Variants in CBFA2T3 observed in about 807,000 individuals in gnomAD.
CBFA2T3 encodes transcriptional corepressor CBFA2T3.
In CBFA2T3, 31 loss-of-function variants were observed where a neutral mutation model predicts 58.6. That is an observed-to-expected ratio of 0.53 (90% confidence interval 0.40 to 0.71). The LOEUF (loss-of-function observed/expected upper bound fraction) is 0.71, where lower values mean the gene tolerates loss of function less well. Among genes scored for constraint, CBFA2T3 ranks in the 30% least tolerant of loss-of-function variants. CBFA2T3 has a pLI of 0.00. For missense variants in CBFA2T3, 1,076 were observed against 963.1 expected (o/e 1.12, Z -1.55); for synonymous variants, 531 against 421.9 (o/e 1.26, Z -3.17).
chr16:88,884,826 G>GC (rs1421819334), intron 7 of CBFA2T3: 2 of 464,286 alleles, frequency 4.3e-6, no homozygotes, highest in South Asian at 3.6e-5. Context: ...GCCCGAGGCC[G>GC]CCCACCCCGG....
At chr16:88,970,153 T>C (rs2142883536) in intron 1 of CBFA2T3, among the ~76,000 whole-genome samples, 1 of 151,988 alleles carries the variant, frequency 6.6e-6, no homozygotes, top group Admixed American at 6.5e-5. Context: ...GCTCTGCAGC[T>C]GTCCTGGGCC....
rs1260567550 is a variant in CBFA2T3, at chr16:88,953,209, A to G, written c.151+23448T>C. Among the ~76,000 whole-genome samples, 2 of 152,122 alleles carry G rather than the reference A, an allele frequency of 1.3e-5. No homozygotes were observed. Among genetic ancestry groups the G allele is most frequent in the African/African-American group, 4.8e-5 (2 of 41,422 alleles). ...CCTCTCTCCCTCGGCTGGGTTTGTC[A>G]TGCTCAGCCAGACCCGCTCCCGGTG... On this transcript the variant is annotated intron_variant, in intron 1 of 11. Coordinates refer to ENST00000268679, the MANE Select transcript of CBFA2T3 (RefSeq NM_005187.6). The surrounding 1 kb of genome is among the most constrained non-coding windows in gnomAD (Gnocchi z 4.9).
At chr16:88,919,808 C>T (rs1015332642) in intron 1 of CBFA2T3, among the ~76,000 whole-genome samples, 1 of 152,200 alleles carries the variant, frequency 6.6e-6, no homozygotes, top group Non-Finnish European at 1.5e-5. Context: ...GACACTGTTT[C>T]AATGCAGGTC....
intron 1 of CBFA2T3, among the ~76,000 whole-genome samples, chr16:88,952,902 ACG>A (rs1972114969): frequency 5.8e-5 from 2 of 34,732 alleles, no homozygotes; most frequent in African/African-American, 1.3e-4. Context: ...CAGGACCCCC[ACG>A]CAGGGCCTGT....
chr16:88,881,687 G>T, intron 8 of CBFA2T3, 198 bp from the exon 9 acceptor site: 5 of 565,992 alleles, frequency 8.8e-6, no homozygotes, highest in Non-Finnish European at 1.6e-5. Flanking sequence ...CGAGCGCCTG[G>T]GGGTACCAGA....
In CBFA2T3 at chr16:88,904,790, G is replaced by A. The variant is rs545976933; in HGVS notation, c.152-3134C>T. Reference sequence around the variant, plus strand: ...GGTGTCTGTTGAATCCTGTGTGAGTGCTCCTGGCTGTGTGGCCTAGGGAGA... The same window carrying A: ...GGTGTCTGTTGAATCCTGTGTGAGTACTCCTGGCTGTGTGGCCTAGGGAGA... On this transcript the variant is annotated intron_variant, in intron 1 of 11. Transcript: ENST00000268679. 3.6e-4 allele frequency among the ~76,000 whole-genome samples: 55 copies of A among 152,342 alleles called. 1 individual carries two copies. The highest frequency in any genetic ancestry group is 1.3e-3 in the African/African-American group (54 of 41,596).
chr16:88,916,147 T>G (rs1970713999), intron 1 of CBFA2T3, among the ~76,000 whole-genome samples: 1 of 133,934 alleles, frequency 7.5e-6, no homozygotes, highest in Non-Finnish European at 1.5e-5. Context: ...CATGTGGGTG[T>G]GTGTGCATGT....
intron 1 of CBFA2T3, among the ~76,000 whole-genome samples, chr16:88,916,346 G>T (rs1460339875): frequency 1.3e-5 from 2 of 149,304 alleles, no homozygotes; most frequent in African/African-American, 4.9e-5. Context: ...GTGTGCATGG[G>T]TGTGTGTCCG....
rs1457428371 is a variant in CBFA2T3, at chr16:88,892,397, G to A, written c.468C>T (p.Ser156=). The change falls in exon 4 of 12, where the codon TCC becomes TCT. Residue 156 remains serine (S), a synonymous_variant. Transcript: ENST00000268679. ...NGFSNGPATS[S]TASLSTQHLP... ...GGTGCTGTGTGGACAAGGAGGCTGT[G>A]GACGAGGTGGCCGGGCCATTGCTGA... 2 of 1,613,512 alleles carry A rather than the reference G, an allele frequency of 1.2e-6. No individual in the cohort carries two copies.
At chr16:88,881,690 G>A in intron 8 of CBFA2T3, 1 of 560,566 alleles carries the variant, frequency 1.8e-6, no homozygotes, top group Non-Finnish European at 3.1e-6. Context: ...GCGCCTGGGG[G>A]TACCAGACTC....
At chr16:88,954,085 G>A (rs1238700140) in intron 1 of CBFA2T3, among the ~76,000 whole-genome samples, 2 of 152,056 alleles carry the variant, frequency 1.3e-5, no homozygotes, top group African/African-American at 2.4e-5. Flanking sequence ...TCAGAGAACT[G>A]CCCAGGAGCT....
chr16:88,904,267 G>A (rs1241341753), intron 1 of CBFA2T3, among the ~76,000 whole-genome samples: 1 of 152,148 alleles, frequency 6.6e-6, no homozygotes, highest in African/African-American at 2.4e-5. Flanking sequence ...GAGGCTCACT[G>A]CAGGAAGATC....
At chr16:88,910,185 C>T (rs1003063729) in intron 1 of CBFA2T3, among the ~76,000 whole-genome samples, 19 of 152,236 alleles carry the variant, frequency 1.2e-4, no homozygotes, top group Non-Finnish European at 2.6e-4. Flanking sequence ...GGTGTTTCTG[C>T]AGGGAATGCA....
chr16:88,879,863 T>G, intron 10 of CBFA2T3: 1 of 190,510 alleles, frequency 5.2e-6, no homozygotes, highest in Non-Finnish European at 1.1e-5. Context: ...GGAATCTGCA[T>G]TCCTAACGCG....
At chr16:88,888,807 G>A (rs967649925) in intron 5 of CBFA2T3, among the ~76,000 whole-genome samples, 1 of 151,912 alleles carries the variant, frequency 6.6e-6, no homozygotes, top group African/African-American at 2.4e-5. Context: ...CGGGCCCCGG[G>A]TGGGGGCACG....
intron 3 of CBFA2T3, among the ~76,000 whole-genome samples, 191 bp downstream of exon 3, chr16:88,897,887 C>T (rs1006629755): frequency 4.6e-5 from 7 of 152,242 alleles, no homozygotes; most frequent in Admixed American, 6.5e-5. Context: ...TGGGATGCAG[C>T]GACCCGGCGG....
chr16:88,884,876 C>A (rs749089158), intron 7 of CBFA2T3, 170 bp downstream of exon 7: 1 of 575,278 alleles, frequency 1.7e-6, no homozygotes, highest in Non-Finnish European at 3.0e-6. Flanking sequence ...GGCCCCTCTG[C>A]AGCCACCGCT....
At chr16:88,918,526 G>A (rs991423627) in intron 1 of CBFA2T3, among the ~76,000 whole-genome samples, 1 of 152,250 alleles carries the variant, frequency 6.6e-6, no homozygotes, top group Non-Finnish European at 1.5e-5. Context: ...CACGGTTACT[G>A]GCACAGGCCC....
intron 1 of CBFA2T3, chr16:88,957,785 A>G (rs779012940): frequency 6.6e-6 from 1 of 152,314 alleles, no homozygotes; most frequent in Non-Finnish European, 1.5e-5. Context: ...CTTACACACA[A>G]CACCGGAAAA....
Sources: gnomAD v4.1 joint callset for allele counts (sites outside exome capture counted in the v4.1 genomes callset) on GRCh38, gnomAD v4.1.1 for gene constraint, Gnocchi (gnomAD v3.1) non-coding constraint, MANE v1.5 for transcripts, NCBI Gene and HGNC (gene_info 2026-07-23, HGNC 2026-07-21) for gene names.